The following UBE2G2 variants were observed in gnomAD, a reference collection of about 807,000 sequenced individuals.
The protein encoded by UBE2G2 is ubiquitin conjugating enzyme E2 G2, also known as ubiquitin-conjugating enzyme E2 G2.
UBE2G2 carries 10 observed loss-of-function variants against 23.0 expected under a neutral mutation model. The observed-to-expected ratio is 0.43, with a 90% CI of 0.27 to 0.74. The LOEUF is 0.74. Among genes scored for constraint, UBE2G2 ranks in the 30% least tolerant of loss-of-function variants. UBE2G2 has a pLI of 0.19. For missense variants in UBE2G2, 150 were observed against 218.3 expected (o/e 0.69, Z 1.97); for synonymous variants, 86 against 81.3 (o/e 1.06, Z -0.31).
At chr21:44,801,259 A>C in intron 1 of UBE2G2, 1 of 985,036 alleles carries the variant, frequency 1.0e-6, no homozygotes, top group Non-Finnish European at 1.2e-6. Context: ...CTTTTCCTTC[A>C]TTAGAGGGAA....
chr21:44,772,607 A>G lies in UBE2G2; in HGVS notation c.385+940T>C, dbSNP rs1347456850. On this transcript the variant is annotated intron_variant, in intron 5 of 5. Transcript: ENST00000345496. The surrounding 1 kb of genome is among the most constrained non-coding windows in gnomAD (Gnocchi z 5.4). ...CCCCACATCTTCACTCTCGTGTCTGACCCCCTTTTGTGGATGGAGGCCCCT... is the reference window on the plus strand; with the variant it reads ...CCCCACATCTTCACTCTCGTGTCTGGCCCCCTTTTGTGGATGGAGGCCCCT... Among the ~76,000 whole-genome samples, 1 of 151,754 alleles carries G rather than the reference A, an allele frequency of 6.6e-6. No homozygotes were observed. Among genetic ancestry groups the G allele is most frequent in the Non-Finnish European group, 1.5e-5 (1 of 67,944 alleles).
chr21:44,777,076 G>A lies in UBE2G2; in HGVS notation c.244+223C>T, dbSNP rs183129476. On this transcript the variant is annotated intron_variant, in intron 4 of 5. Transcript: ENST00000345496. ...AGGGTGGCTGGGTCAAATGGCATCC[G>A]GTTTTAGGTGCCTGTTGTCTTTTAT... 51 of 445,478 alleles carry A rather than the reference G, an allele frequency of 1.1e-4. No homozygotes were observed. In the East Asian group the frequency reaches 1.3e-3, roughly 11 times the overall value. 27.6% of individuals were successfully genotyped at this position (445,478 alleles called of 1,614,324 possible).
chr21:44,777,442 T>C (rs782820298), intron 3 of UBE2G2, 25 bp from the exon 4 acceptor site: 4 of 1,604,458 alleles, frequency 2.5e-6, no homozygotes, highest in South Asian at 1.1e-5. Context: ...ATACGTAGAC[T>C]GAACTTCAAA....
intron 1 of UBE2G2, among the ~76,000 whole-genome samples, chr21:44,788,618 ACTTTT>A (rs145377477): frequency 0.27 from 40,638 of 151,394 alleles, 5,826 homozygotes; most frequent in South Asian, 0.4. Flanking sequence ...CAAAACATAG[ACTTTT>A]CTTTTTCTTT....
At chr21:44,796,913 T>C (rs2083094449) in intron 1 of UBE2G2, among the ~76,000 whole-genome samples, 2 of 152,220 alleles carry the variant, frequency 1.3e-5, no homozygotes, top group South Asian at 4.1e-4. Context: ...AGAGATCTTG[T>C]CATATGTTGA....
At chr21:44,801,445 G>A (rs2083136711) in intron 1 of UBE2G2, 4 of 1,218,066 alleles carry the variant, frequency 3.3e-6, no homozygotes, top group South Asian at 2.8e-5. Flanking sequence ...AGCCCGCAAA[G>A]ACTCAACTGT....
chr21:44,773,734 G>A, intron 4 of UBE2G2, 47 bp from the exon 5 acceptor site: 1 of 1,595,624 alleles, frequency 6.3e-7, no homozygotes, highest in South Asian at 1.1e-5. Flanking sequence ...TGGTGCCCGA[G>A]GCATCGCCGC....
At position 44,777,470 on chromosome 21, in the gene UBE2G2, G is replaced by A. The variant is rs892937213; in HGVS notation, c.126-53C>T. 44 of 1,536,678 alleles carry A rather than the reference G, an allele frequency of 2.9e-5. No individual in the cohort carries two copies. The African/African-American group carries it at 3.7e-4, about 13-fold the overall frequency. The stretch of plus-strand genomic sequence containing the variant: ...ACTTCAAAGTACATTTTTCAACGTC[G>A]ACCACAATTGACAAATGGGTTAAGA... On this transcript the variant is annotated intron_variant, in intron 3 of 5. Transcript: ENST00000345496.
chr21:44,783,376 A>G (rs1251736251), intron 3 of UBE2G2, among the ~76,000 whole-genome samples: 1 of 152,214 alleles, frequency 6.6e-6, no homozygotes, highest in Non-Finnish European at 1.5e-5. Flanking sequence ...CATTAAACGC[A>G]AATTTACTCC....
At position 44,769,048 on chromosome 21, in the gene UBE2G2, AG is replaced by A. The variant is rs2082850460; in HGVS notation, c.*2328del. 1 of 152,260 alleles carries A rather than the reference AG, an allele frequency of 6.6e-6. No homozygotes were observed. Among genetic ancestry groups the A allele is most frequent in the African/African-American group, 2.4e-5 (1 of 41,460 alleles). The allele number at this position is 152,260 out of a possible 1,614,324, so 9.4% of individuals were successfully genotyped here. A position where few individuals can be genotyped will look rare whatever the true frequency, so the allele number is the denominator to read the frequency against. ...GACAAAGGGACACACACTGCAGGGC[AG>A]GGAAAACACAGAACTTTATTTCAAC... is the stretch of plus-strand genomic sequence containing the variant. On this transcript the variant is annotated 3_prime_UTR_variant, in exon 6 of 6. Transcript: ENST00000345496.
At chr21:44,796,731 T>G (rs1287669776) in intron 1 of UBE2G2, among the ~76,000 whole-genome samples, 2 of 152,208 alleles carry the variant, frequency 1.3e-5, no homozygotes, top group Admixed American at 6.5e-5. Context: ...ATGGGCCAGC[T>G]AGTTCTCTGC....
chr21:44,778,469 C>T (rs2082930588), intron 3 of UBE2G2, among the ~76,000 whole-genome samples: 2 of 152,232 alleles, frequency 1.3e-5, no homozygotes, highest in Admixed American at 1.3e-4. Flanking sequence ...TTTCAGAAAT[C>T]CTGCTTAAGG....
intron 4 of UBE2G2, chr21:44,774,264 A>G (rs1028838838): frequency 1.9e-5 from 3 of 154,292 alleles, no homozygotes; most frequent in Non-Finnish European, 2.9e-5. Flanking sequence ...TGTCTAAATC[A>G]AATCCCTTTC....
intron 4 of UBE2G2, among the ~76,000 whole-genome samples, chr21:44,776,165 G>C (rs1033630797): frequency 9.2e-5 from 14 of 152,086 alleles, no homozygotes; most frequent in South Asian, 2.1e-4. Context: ...AGATGTAAAA[G>C]GAAGAATGTA....
Position 44,771,351 on chromosome 21 carries a change from T to C in UBE2G2, c.*26A>G, listed in dbSNP as rs1555959880. Reference sequence around the variant, plus strand: ...GAGAATGCTGAGCTGCTTGGCGGTGTGTGCGCGCCTGTGCGAGGCCAGGTC... The same window carrying C: ...GAGAATGCTGAGCTGCTTGGCGGTGCGTGCGCGCCTGTGCGAGGCCAGGTC... On this transcript the variant is annotated 3_prime_UTR_variant, in exon 6 of 6. Transcript: ENST00000345496. This position sits in a 1 kb window ranked among gnomAD's most constrained non-coding sequence, Gnocchi z 4.6. 2 of 1,600,188 alleles carry C rather than the reference T, an allele frequency of 1.2e-6. No individual in the cohort carries two copies. The highest frequency in any genetic ancestry group is 1.7e-6 in the Non-Finnish European group (2 of 1,170,120).
chr21:44,782,222 T>C (rs183239389), intron 3 of UBE2G2, among the ~76,000 whole-genome samples: 1 of 152,358 alleles, frequency 6.6e-6, no homozygotes, highest in East Asian at 1.9e-4. Flanking sequence ...TCTCTATGTG[T>C]GTATAAATTC....
intron 4 of UBE2G2, among the ~76,000 whole-genome samples, chr21:44,776,665 T>C (rs2082915817): frequency 6.6e-6 from 1 of 152,196 alleles, no homozygotes; most frequent in African/African-American, 2.4e-5. Context: ...GGCACATCTT[T>C]CCCGTGCTGT....
intron 1 of UBE2G2, among the ~76,000 whole-genome samples, chr21:44,797,714 CAAAAAAAAAAAAA>C (rs60369865): frequency 2.5e-5 from 1 of 39,296 alleles, no homozygotes; most frequent in Non-Finnish European, 4.2e-5. Flanking sequence ...AACTCCGTCT[CAAAAAAAAAAAAA>C]AAAAAAAAAA....
At chr21:44,801,154 A>G in intron 1 of UBE2G2, 1 of 201,652 alleles carries the variant, frequency 5.0e-6, no homozygotes, top group Non-Finnish European at 8.8e-6. Context: ...CTCTCCTCAG[A>G]CATTAGAAAT....
Sources: allele counts gnomAD v4.1 joint callset (sites outside exome capture counted in the v4.1 genomes callset), GRCh38; gene constraint gnomAD v4.1.1; non-coding constraint Gnocchi (gnomAD v3.1); transcripts MANE v1.5; gene names NCBI Gene and HGNC (gene_info 2026-07-23, HGNC 2026-07-21).